Variants in FHDC1 observed in about 807,000 individuals in gnomAD.
FHDC1 encodes FH2 domain-containing protein 1.
In FHDC1, 25 loss-of-function variants were observed where a neutral mutation model predicts 52.6. The observed-to-expected ratio is 0.48, with a 90% confidence interval of 0.35 to 0.66. The LOEUF (loss-of-function observed/expected upper bound fraction) is 0.66, where lower values mean the gene tolerates loss of function less well. FHDC1 is among the 30% of genes least tolerant of loss of function. The pLI, the probability that FHDC1 is intolerant of heterozygous loss-of-function variation, is 0.01. For missense variants in FHDC1, 1,459 were observed against 1,452.8 expected (o/e 1.00, Z -0.07); for synonymous variants, 616 against 581.5 (o/e 1.06, Z -0.85).
At chr4:152,968,514 A>C (rs1740535440) in intron 10 of FHDC1, among the ~76,000 whole-genome samples, 1 of 152,070 alleles carries the variant, frequency 6.6e-6, no homozygotes. Flanking sequence ...TTTTCAGTAG[A>C]GACGCGGTTT....
chr4:152,926,110 TGCAGCAGAGGGTG>T, the FHDC1 span, among the ~76,000 whole-genome samples: 5 of 150,964 alleles, frequency 3.3e-5, no homozygotes, highest in Admixed American at 2.0e-4. Flanking sequence ...AGGTTCCTCA[TGCAGCAGAGGGTG>T]GCAAGAAAAA....
At chr4:152,952,351 C>T (rs1166360910) in intron 2 of FHDC1, among the ~76,000 whole-genome samples, 1 of 152,024 alleles carries the variant, frequency 6.6e-6, no homozygotes, top group East Asian at 2.0e-4. Flanking sequence ...TAGGCCAAGA[C>T]ATCCATTTCT....
At chr4:152,931,322 C>CA in the FHDC1 span, among the ~76,000 whole-genome samples, 1 of 152,080 alleles carries the variant, frequency 6.6e-6, no homozygotes, top group Non-Finnish European at 1.5e-5. Flanking sequence ...CCTACACAAA[C>CA]ACCAACCAGT....
chr4:152,942,750 A>G (rs1739608904), intron 1 of FHDC1, among the ~76,000 whole-genome samples, 178 bp from the exon 2 acceptor site: 1 of 152,246 alleles, frequency 6.6e-6, no homozygotes, highest in Non-Finnish European at 1.5e-5. Context: ...TCCAGGTGGT[A>G]AAATTTGATT....
At chr4:152,928,342 A>G in the FHDC1 span, 1 of 455,964 alleles carries the variant, frequency 2.2e-6, no homozygotes, top group East Asian at 4.7e-5. Flanking sequence ...TTTTTAACCA[A>G]TCCAATCTAA....
chr4:152,921,982 G>A, the FHDC1 span, among the ~76,000 whole-genome samples: 2 of 152,090 alleles, frequency 1.3e-5, no homozygotes, highest in Non-Finnish European at 2.9e-5. Flanking sequence ...TCAAAAGCTA[G>A]CAGAAGGCAA....
chr4:152,953,243 T>C (rs1739980603), intron 2 of FHDC1, among the ~76,000 whole-genome samples: 1 of 152,210 alleles, frequency 6.6e-6, no homozygotes, highest in African/African-American at 2.4e-5. Context: ...TATTAAAAGT[T>C]ATATAATATT....
upstream of FHDC1, among the ~76,000 whole-genome samples, chr4:152,932,841 C>T (rs571012642): frequency 1.3e-5 from 2 of 152,252 alleles, no homozygotes; most frequent in South Asian, 4.1e-4. Flanking sequence ...TTTAGTTGTT[C>T]CTAATGACAG....
intron 8 of FHDC1, among the ~76,000 whole-genome samples, chr4:152,963,769 G>GTTTTTTTTTTTTTTTTTTTTTTTT (rs58783965): frequency 5.8e-5 from 3 of 51,794 alleles, no homozygotes; most frequent in African/African-American, 6.5e-5. Flanking sequence ...CCATTGCTTT[G>GTTTTTTTTTTTTTTTTTTTTTTTT]TTTTTTTTTT....
chr4:152,949,156 A>AGAG (rs1739844491), intron 2 of FHDC1, among the ~76,000 whole-genome samples: 1 of 150,398 alleles, frequency 6.6e-6, no homozygotes, highest in Non-Finnish European at 1.5e-5. Context: ...AAGAAGAAGA[A>AGAG]GAAGAAGAAG....
upstream of FHDC1, among the ~76,000 whole-genome samples, chr4:152,931,555 T>C (rs561403929): frequency 1.3e-4 from 20 of 150,712 alleles, no homozygotes; most frequent in African/African-American, 4.4e-4. Flanking sequence ...ACAGTATAGA[T>C]AGGCAGGCAT....
chr4:152,954,287 G>T lies in FHDC1; in HGVS notation c.631G>T (p.Glu211Ter). 1 of 1,614,158 alleles carries T rather than the reference G, an allele frequency of 6.2e-7. No homozygotes were observed. Among genetic ancestry groups the T allele is most frequent in the South Asian group, 1.1e-5 (1 of 91,070 alleles). Residue 211 changes from glutamate (E) to a stop codon, truncating the protein, a stop_gained, in exon 4 of 12, where the codon GAA becomes TAA. Transcript: ENST00000511601. LOFTEE classifies it high-confidence loss of function. Reference sequence around the variant, plus strand: ...GCATTATGGATCAGAGACCTTGCGAGAATTTCTTAAGTTTTTGCCAGAGTC... The same window carrying T: ...GCATTATGGATCAGAGACCTTGCGATAATTTCTTAAGTTTTTGCCAGAGTC... ...SEHYGSETLR[E>*]FLKFLPESEE... is the part of the protein sequence containing the mutation.
intron 10 of FHDC1, among the ~76,000 whole-genome samples, chr4:152,972,163 C>T (rs1442944173): frequency 6.6e-6 from 1 of 152,152 alleles, no homozygotes. Context: ...GTCTAGGTCT[C>T]ACACGGGACT....
At position 152,960,478 on chromosome 4, in the gene FHDC1, T is replaced by A. The variant is rs569922855; in HGVS notation, c.664-87T>A. 8.6e-6 allele frequency: 10 copies of A among 1,160,312 alleles called. No homozygotes were observed. The South Asian group carries it at 1.4e-4, about 17-fold the overall frequency. 71.9% of individuals were successfully genotyped at this position (1,160,312 alleles called of 1,614,324 possible). On this transcript the variant is annotated intron_variant, in intron 4 of 11. Coordinates refer to ENST00000511601, the MANE Select transcript of FHDC1 (RefSeq NM_001371116.1). ...ATTTAGCACTAAAATCCTATTTTTT[T>A]AGAAGAATTGGAAGATGAAATTTAA...
chr4:152,971,436 C>T (rs1056709826), intron 10 of FHDC1, among the ~76,000 whole-genome samples: 1 of 152,164 alleles, frequency 6.6e-6, no homozygotes, highest in South Asian at 2.1e-4. Context: ...TTCTCCGCAC[C>T]ATACTGCTTC....
chr4:152,967,631 A>C (rs569961490), intron 9 of FHDC1, among the ~76,000 whole-genome samples: 2 of 152,314 alleles, frequency 1.3e-5, no homozygotes, highest in Admixed American at 1.3e-4. Context: ...GCCCATGGAA[A>C]GCATATGAAT....
At position 152,962,871 on chromosome 4, in the gene FHDC1, A is replaced by G. The variant is rs1188078064; in HGVS notation, c.908A>G (p.Asn303Ser). 5.6e-6 allele frequency: 9 copies of G among 1,613,886 alleles called. No homozygotes were observed. Among genetic ancestry groups the G allele is most frequent in the Non-Finnish European group, 7.6e-6 (9 of 1,179,950 alleles). ...TTACACTTGGTGCTCCAGGCTGGGA[A>G]TATCATGAATGCAGTAAGTAAAATC... ...SILHLVLQAG[N>S]IMNAGGYAGN... The change falls in exon 7 of 12, where the codon AAT becomes AGT. Residue 303 changes from asparagine to serine, a missense_variant. Transcript: ENST00000511601.
At chr4:152,926,368 C>T in the FHDC1 span, among the ~76,000 whole-genome samples, 3 of 151,422 alleles carry the variant, frequency 2.0e-5, no homozygotes, top group Non-Finnish European at 2.9e-5. Context: ...AACCATTAAG[C>T]TCCCTAAAAA....
chr4:152,922,817 C>G, the FHDC1 span, among the ~76,000 whole-genome samples: 1 of 151,854 alleles, frequency 6.6e-6, no homozygotes, highest in Non-Finnish European at 1.5e-5. Flanking sequence ...ACCCTTCATG[C>G]TAAAAACTCT....
Sources: gnomAD v4.1 joint callset for allele counts (sites outside exome capture counted in the v4.1 genomes callset) on GRCh38, gnomAD v4.1.1 for gene constraint, MANE v1.5 for transcripts, NCBI Gene and HGNC (gene_info 2026-07-23, HGNC 2026-07-21) for gene names.